The following SMG1 variants were observed in gnomAD, a reference collection of about 807,000 sequenced individuals.
SMG1 encodes serine/threonine-protein kinase SMG1.
A neutral mutation model predicts 419.9 loss-of-function variants in SMG1; 22 were observed. That is an observed-to-expected ratio of 0.05 (90% CI 0.04 to 0.07). The LOEUF is 0.07. Ranked by LOEUF, SMG1 falls within the 10% of genes least tolerant of loss-of-function variation. The pLI, the probability that SMG1 is intolerant of heterozygous loss-of-function variation, is 1.00. For synonymous variants in SMG1, 1,538 were observed against 1,553.5 expected, an observed-to-expected ratio of 0.99 and a Z score of 0.23; for missense variants, 3,185 against 4,342.0, an observed-to-expected ratio of 0.73 and a Z score of 7.49.
At chr16:18,850,793 C>T (rs949232323) in intron 33 of SMG1, among the ~76,000 whole-genome samples, 1 of 152,108 alleles carries the variant, frequency 6.6e-6, no homozygotes, top group African/African-American at 2.4e-5. Flanking sequence ...ACTCTGTCAC[C>T]CAGGCTGGAG....
At chr16:18,835,308 G>T in intron 48 of SMG1, 144 bp from the exon 49 acceptor site, 1 of 908,300 alleles carries the variant, frequency 1.1e-6, no homozygotes, top group Non-Finnish European at 1.6e-6. Context: ...AAGAGCTTAA[G>T]CAATTTCCTA....
At chr16:18,900,930 A>T (rs1281670432) in intron 1 of SMG1, among the ~76,000 whole-genome samples, 1 of 152,224 alleles carries the variant, frequency 6.6e-6, no homozygotes, top group Non-Finnish European at 1.5e-5. Flanking sequence ...GAAAGGGTGA[A>T]ACTATGAATA....
At chr16:18,860,367 T>C (rs189484337) in intron 26 of SMG1, among the ~76,000 whole-genome samples, 17 of 152,328 alleles carry the variant, frequency 1.1e-4, no homozygotes, top group Non-Finnish European at 2.1e-4. Context: ...ATGAGCCACA[T>C]CAAGATGAAA....
chr16:18,924,977 T>C (rs1357549081), intron 1 of SMG1: 5 of 146,478 alleles, frequency 3.4e-5, no homozygotes, highest in African/African-American at 1.0e-4. Flanking sequence ...ATTATAACAA[T>C]TGTGCTCCAA....
chr16:18,887,671 TTAAAA>T (rs1248244260), intron 6 of SMG1, among the ~76,000 whole-genome samples: 31 of 80,286 alleles, frequency 3.9e-4, no homozygotes, highest in Non-Finnish European at 7.6e-4. Flanking sequence ...CACTTTTTAT[TTAAAA>T]AAAAAAAAAA....
Position 18,815,105 on chromosome 16 carries a change from G to A in SMG1, c.10621+70C>T. ...TAAGTGTTTAATATTAGACAGTTAT[G>A]TATAATTAAACATCTTAGCATCTAT... On this transcript the variant is annotated intron_variant, in intron 60 of 62. Transcript: ENST00000446231. 1.9e-5 allele frequency: 18 copies of A among 949,946 alleles called. No individual in the cohort carries two copies. In the South Asian group the frequency reaches 2.7e-4, roughly 14 times the overall value. The allele number at this position is 949,946 out of a possible 1,614,324, so 58.8% of individuals were successfully genotyped here. A position where few individuals can be genotyped will look rare whatever the true frequency, so the allele number is the denominator to read the frequency against.
At chr16:18,838,776 G>T in intron 42 of SMG1, 87 bp from the exon 43 acceptor site, 2 of 865,068 alleles carry the variant, frequency 2.3e-6, no homozygotes, top group Non-Finnish European at 3.7e-6. Flanking sequence ...AATTTACAAA[G>T]CACCATTAAC....
At chr16:18,881,318 C>G (rs1455973229) in intron 10 of SMG1, among the ~76,000 whole-genome samples, 1 of 152,010 alleles carries the variant, frequency 6.6e-6, no homozygotes, top group African/African-American at 2.4e-5. Context: ...AAAAATGAAG[C>G]AAAGATATTA....
At chr16:18,883,664 A>C (rs1421310792) in intron 9 of SMG1, among the ~76,000 whole-genome samples, 1 of 152,204 alleles carries the variant, frequency 6.6e-6, no homozygotes, top group Non-Finnish European at 1.5e-5. Context: ...CACGCCTATA[A>C]TCCCAGCACT....
intron 56 of SMG1, 40 bp downstream of exon 56, chr16:18,819,461 GT>G (rs765540313): frequency 6.3e-7 from 1 of 1,592,716 alleles, no homozygotes. Flanking sequence ...ATCTAATCCT[GT>G]AAAAGTGAAT....
chr16:18,833,431 G>A (rs2033343814), intron 50 of SMG1, among the ~76,000 whole-genome samples: 1 of 151,932 alleles, frequency 6.6e-6, no homozygotes, highest in Non-Finnish European at 1.5e-5. Flanking sequence ...CTAGGATGAT[G>A]TACCTTAAGA....
At chr16:18,913,287 G>A (rs2037856737) in intron 1 of SMG1, among the ~76,000 whole-genome samples, 1 of 152,068 alleles carries the variant, frequency 6.6e-6, no homozygotes, top group African/African-American at 2.4e-5. Context: ...ATAAACCAGG[G>A]ACACCCTCAA....
intron 1 of SMG1, chr16:18,911,545 C>G (rs780474475): frequency 6.6e-6 from 1 of 152,052 alleles, no homozygotes; most frequent in Non-Finnish European, 1.5e-5. Flanking sequence ...CACTCCACTG[C>G]GGAGCAATTA....
chr16:18,922,088 TAATC>T (rs1317474741), intron 1 of SMG1, among the ~76,000 whole-genome samples: 1 of 152,236 alleles, frequency 6.6e-6, no homozygotes, highest in Non-Finnish European at 1.5e-5. Flanking sequence ...TTTGTTGAAT[TAATC>T]AATCTATTTG....
intron 29 of SMG1, chr16:18,857,643 A>G (rs1217150594): frequency 6.6e-6 from 1 of 152,260 alleles, no homozygotes; most frequent in Non-Finnish European, 1.5e-5. Context: ...CGAGAGAAAC[A>G]CAAATATACG....
chr16:18,837,322 A>C lies in SMG1; in HGVS notation c.7535T>G (p.Leu2512Arg), dbSNP rs2033638817. 1 of 1,613,906 alleles carries C rather than the reference A, an allele frequency of 6.2e-7. No individual in the cohort carries two copies. Among genetic ancestry groups the C allele is most frequent in the African/African-American group, 1.3e-5 (1 of 74,936 alleles). ...TTCTAGAAACTCTATTTCCTCCAGT[A>C]GTTTGCCCTGCAGTTTTTCCACATC... ...LTDVEKLQGKLLEEIEFLEGA... is the reference protein window; with the variant it reads ...LTDVEKLQGKRLEEIEFLEGA... Residue 2512 changes from leucine (L) to arginine (R), a missense_variant, in exon 46 of 63, where the codon CTA becomes CGA. Leu to Arg is a moderately radical substitution (Grantham distance 102). This residue lies in a region of SMG1 where 412 missense variants were observed against 546.6 expected (regional missense o/e 0.75). Transcript: ENST00000446231.
rs570146882 is a variant in SMG1, at chr16:18,897,487, T to C, written c.93-531A>G. Among the ~76,000 whole-genome samples, 14 of 152,306 alleles carry C rather than the reference T, an allele frequency of 9.2e-5. 1 individual carries two copies. The highest frequency in any genetic ancestry group is 2.4e-4 in the African/African-American group (10 of 41,570). On this transcript the variant is annotated intron_variant, in intron 1 of 62. Coordinates refer to ENST00000446231, the MANE Select transcript of SMG1 (RefSeq NM_015092.5). The stretch of plus-strand genomic sequence containing the variant: ...AGGTACTGTAGTATTGAAGACCCCA[T>C]TGCAGATGCCTTAATTGTAAAGAGT...
chr16:18,816,207 A>T, intron 58 of SMG1, 95 bp downstream of exon 58: 1 of 967,796 alleles, frequency 1.0e-6, no homozygotes, highest in Non-Finnish European at 1.5e-6. Context: ...ATAAATTGTT[A>T]TTTACAAAAT....
Position 18,842,459 on chromosome 16 carries a change from AT to A in SMG1, c.6220-6del. ...CTGTTGCAAACTTAGCATTATCTAT[AT>A]TCATAAGATGGGAGAAACAAATTTA... is the stretch of plus-strand genomic sequence containing the variant. On this transcript the variant is annotated splice_polypyrimidine_tract_variant and splice_region_variant and intron_variant, in intron 39 of 62. Coordinates refer to ENST00000446231, the MANE Select transcript of SMG1 (RefSeq NM_015092.5). 1 of 1,610,500 alleles carries A rather than the reference AT, an allele frequency of 6.2e-7. No individual in the cohort carries two copies. Among genetic ancestry groups the A allele is most frequent in the Non-Finnish European group, 8.5e-7 (1 of 1,177,412 alleles).
Sources: gnomAD v4.1 joint callset for allele counts (sites outside exome capture counted in the v4.1 genomes callset) on GRCh38, gnomAD v4.1.1 for gene constraint, gnomAD v4.1.1 regional missense constraint, MANE v1.5 for transcripts, NCBI Gene and HGNC (gene_info 2026-07-23, HGNC 2026-07-21) for gene names.